DST: variants seen among roughly 807,000 people sequenced by gnomAD.
DST encodes dystonin.
A neutral mutation model predicts 875.2 loss-of-function variants in DST; 253 were observed. The ratio of observed to expected loss-of-function variants is 0.29; its 90% CI spans 0.26 to 0.32. The LOEUF is 0.32. Ranked by LOEUF, DST falls within the 10% of genes least tolerant of loss-of-function variation. The probability of loss-of-function intolerance (pLI) is 1.00; values close to 1 mark genes in which losing one functional copy is unlikely to be tolerated. For synonymous variants in DST, 3,124 were observed against 3,197.1 expected (o/e 0.98, Z 0.77); for missense variants, 8,287 against 9,111.6 (o/e 0.91, Z 3.68).
chr6:56,891,681 C>G (rs1787588058), intron 3 of DST, among the ~76,000 whole-genome samples: 1 of 151,798 alleles, frequency 6.6e-6, no homozygotes, highest in Non-Finnish European at 1.5e-5. Flanking sequence ...CTGCAGTGAG[C>G]CGTGATTGCG....
chr6:56,511,359 A>T lies in DST; in HGVS notation c.18618T>A (p.Asp6206Glu). The T allele has an allele frequency of 6.2e-7, 1 of 1,608,070 alleles. No individual in the cohort carries two copies. The highest frequency in any genetic ancestry group is 2.2e-5 in the East Asian group (1 of 44,744). ...ACTGTGGCCCAGTTTTGTTCATCTTATCTATATGAGGCTTGTGTTCAGCTA... is the reference window on the plus strand; with the variant it reads ...ACTGTGGCCCAGTTTTGTTCATCTTTTCTATATGAGGCTTGTGTTCAGCTA... ...ELIAEHKPHI[D>E]KMNKTGPQLL... Residue 6206 changes from aspartate to glutamate, a missense_variant, in exon 73 of 104, where the codon GAT becomes GAA. This residue lies in a region of DST where 1,292 missense variants were observed against 1,552.7 expected (regional missense o/e 0.83). Transcript: ENST00000680361.
chr6:56,570,836 A>G (rs1377671822), intron 53 of DST, among the ~76,000 whole-genome samples: 3 of 152,244 alleles, frequency 2.0e-5, no homozygotes, highest in Non-Finnish European at 2.9e-5. Context: ...TTTACATTCA[A>G]TGAGCTTTGA....
chr6:56,597,892 T>A lies in DST; in HGVS notation c.12043A>T (p.Ile4015Phe), dbSNP rs201249286. Residue 4015 changes from isoleucine to phenylalanine, a missense_variant, in exon 47 of 104, where the codon ATC becomes TTC. Transcript: ENST00000680361. ...ERAGTKHKQV[I>F]EQNGTHFQEG... ...TGAAAATGGGTCCCGTTCTGTTCGA[T>A]TACCTGTTTGTGTTTTGTCCCTGCC... The A allele has an allele frequency of 9.2e-4, 1,486 of 1,613,828 alleles. 3 individuals carry two copies. The highest frequency in any genetic ancestry group is 2.0e-3 in the Middle Eastern group (12 of 6,062).
Position 56,593,840 on chromosome 6 carries a change from G to A in DST, c.12549C>T (p.Asp4183=), listed in dbSNP as rs375624981. ...TCAAGTCACCTTTGTGAGAAATAAC[G>A]TCTTCTGAGAAACTCTTCTGCCTCT... ...KLKRQKSFSE[D]VISHKGDLRY... is the part of the protein sequence containing the mutation. The change falls in exon 48 of 104, where the codon GAC becomes GAT. Residue 4183 remains aspartate (D), a synonymous_variant. Coordinates refer to ENST00000680361, the MANE Select transcript of DST (RefSeq NM_001374736.1). The A allele has an allele frequency of 1.3e-4, 216 of 1,613,724 alleles. No individual in the cohort carries two copies. Among genetic ancestry groups the A allele is most frequent in the Non-Finnish European group, 1.8e-4 (211 of 1,179,852 alleles).
intron 4 of DST, among the ~76,000 whole-genome samples, chr6:56,820,510 T>C (rs371777103): frequency 3.7e-4 from 57 of 152,330 alleles, no homozygotes; most frequent in Middle Eastern, 3.4e-3. Context: ...CATTTGCTAT[T>C]ATCTTTACAC....
rs747222649 is a variant in DST at position 56,606,681 on chromosome 6, A to C, written c.7947T>G (p.Asp2649Glu). 2.5e-6 allele frequency: 4 copies of C among 1,613,666 alleles called. No individual in the cohort carries two copies. In the East Asian group the frequency reaches 8.9e-5, roughly 36 times the overall value. Residue 2649 changes from aspartate to glutamate, a missense_variant, in exon 40 of 104, where the codon GAT (aspartate) becomes GAG (glutamate). By Grantham distance (45) the Asp-to-Glu change is conservative (BLOSUM62 2). Around this residue, in one of 10 missense-constraint regions of DST, gnomAD observed 3,138 missense variants for 3,116.6 expected, o/e 1.01. Coordinates refer to ENST00000680361, the MANE Select transcript of DST (RefSeq NM_001374736.1). ...AAACATCAGCAGGAGAAGCCGTCTC[A>C]TCATTTTCCTCTTGCAGTGTGTCGT... Reference protein sequence around the residue: ...EDYDTLQEENDETASPADVFY... With the variant: ...EDYDTLQEENEETASPADVFY...
chr6:56,676,639 G>GT (rs1489890587), intron 9 of DST, among the ~76,000 whole-genome samples: 1 of 150,574 alleles, frequency 6.6e-6, no homozygotes, highest in Non-Finnish European at 1.5e-5. Flanking sequence ...TCCATCAACT[G>GT]AAGAATGAAT....
rs2152559882 is a variant in DST at position 56,555,671 on chromosome 6, T to C, written c.14810A>G (p.Asp4937Gly). 1 of 1,613,980 alleles carries C rather than the reference T, an allele frequency of 6.2e-7. No homozygotes were observed. Among genetic ancestry groups the C allele is most frequent in the East Asian group, 2.2e-5 (1 of 44,878 alleles). The change falls in exon 60 of 104, where the codon GAC becomes GGC. Residue 4937 changes from aspartate to glycine, a missense_variant. Transcript: ENST00000680361. ...GGCTTGGTCAATCCAGTCACATCTG[T>C]CACTCAATTGCCCTGTTAGGCTATC... Reference protein sequence around the residue: ...KWDSLTGQLSDRCDWIDQAIV... With the variant: ...KWDSLTGQLSGRCDWIDQAIV...
In DST at chr6:56,605,987, C is replaced by T. The variant is rs773903757; in HGVS notation, c.8641G>A (p.Ala2881Thr). 64 of 1,612,538 alleles carry T rather than the reference C, an allele frequency of 4.0e-5. No individual in the cohort carries two copies. The highest frequency in any genetic ancestry group is 5.3e-5 in the Non-Finnish European group (62 of 1,179,182). ...KQQRVNVVQL[A>T]SPSENNLVTE... ...ACTAAGTTATTTTCACTAGGTGATG[C>T]TAGCTGTACAACATTTACCCTTTGC... Residue 2881 changes from alanine (A) to threonine (T), a missense_variant, in exon 40 of 104, where the codon GCA (alanine) becomes ACA (threonine). Transcript: ENST00000680361.
chr6:56,595,585 A>G (rs2098361159), intron 47 of DST, among the ~76,000 whole-genome samples: 1 of 152,162 alleles, frequency 6.6e-6, no homozygotes. Context: ...GGACTTCCTT[A>G]GAAGCACTGC....
chr6:56,896,325 C>A (rs1051545594), intron 3 of DST, among the ~76,000 whole-genome samples: 1 of 152,072 alleles, frequency 6.6e-6, no homozygotes, highest in Non-Finnish European at 1.5e-5. Flanking sequence ...CCATGCTATT[C>A]TCATGATAGT....
Position 56,639,610 on chromosome 6 carries a change from T to A in DST, c.2699A>T (p.Asn900Ile). ...GTGCCGTTCTTGATTCCTGGATGTA[T>A]TCTTTAGTAAGGAAAATCATCATAA... ...RLESQYAKLL[N>I]TSRNQERHLD... The change falls in exon 21 of 104, where the codon AAT (asparagine) becomes ATT (isoleucine). Residue 900 changes from asparagine to isoleucine, a missense_variant and splice_region_variant. This residue lies in a region of DST where 1,160 missense variants were observed against 1,424.3 expected (regional missense o/e 0.81). Coordinates refer to ENST00000680361, the MANE Select transcript of DST (RefSeq NM_001374736.1). 6.2e-7 allele frequency: 1 copy of A among 1,613,862 alleles called. No individual in the cohort carries two copies. The highest frequency in any genetic ancestry group is 8.5e-7 in the Non-Finnish European group (1 of 1,179,878).
Position 56,625,252 on chromosome 6 carries a change from G to A in DST, c.4735C>T (p.Gln1579Ter). 1 of 1,609,614 alleles carries A rather than the reference G, an allele frequency of 6.2e-7. No homozygotes were observed. The highest frequency in any genetic ancestry group is 8.5e-7 in the Non-Finnish European group (1 of 1,176,188). ...ACCATGGCCCGGTAGGTCATTGTTTGTAATTCATAGTCCTGTATAAAGGAG... is the reference window on the plus strand; with the variant it reads ...ACCATGGCCCGGTAGGTCATTGTTTATAATTCATAGTCCTGTATAAAGGAG... The part of the protein sequence containing the change: ...YSATVKDYEL[Q>*]TMTYRAMVDS... The change falls in exon 35 of 104, where the codon CAA becomes TAA. Residue 1579 changes from glutamine to a stop codon, truncating the protein, a stop_gained. Coordinates refer to ENST00000680361, the MANE Select transcript of DST (RefSeq NM_001374736.1). LOFTEE classifies it high-confidence loss of function.
intron 98 of DST, among the ~76,000 whole-genome samples, chr6:56,467,936 A>G (rs532310386): frequency 3.3e-5 from 5 of 152,298 alleles, no homozygotes; most frequent in African/African-American, 1.2e-4. Context: ...CGAAAATAGC[A>G]AGAATGGAAA....
chr6:56,843,293 A>C (rs1277471462), intron 4 of DST: 16 of 1,242,008 alleles, frequency 1.3e-5, no homozygotes, highest in Non-Finnish European at 1.6e-5. Flanking sequence ...CCGAAGACGC[A>C]GAGCGGGGGC....
At chr6:56,937,014 C>A (rs1813341825) in intron 2 of DST, among the ~76,000 whole-genome samples, 1 of 150,976 alleles carries the variant, frequency 6.6e-6, no homozygotes, top group Admixed American at 6.6e-5. Flanking sequence ...CAGCAATTTA[C>A]AAACTCAAAA....
At chr6:56,833,169 AAACATTTAGG>A (rs1168069856) in intron 4 of DST, among the ~76,000 whole-genome samples, 1 of 152,252 alleles carries the variant, frequency 6.6e-6, no homozygotes, top group Non-Finnish European at 1.5e-5. Context: ...CCAGAATTCT[AAACATTTAGG>A]AACTACGACT....
chr6:56,493,054 C>A lies in DST; in HGVS notation c.20430G>T (p.Glu6810Asp). The A allele has an allele frequency of 6.2e-7, 1 of 1,612,400 alleles. No individual in the cohort carries two copies. ...TGAAGTCTTGGAGAGAATTGTGGAA[C>A]TCCATTGCCAAGTTGAGAGCCTCTT... The part of the protein sequence containing the change: ...KLEEALNLAM[E>D]FHNSLQDFIN... Residue 6810 changes from glutamate to aspartate, a missense_variant, in exon 84 of 104, where the codon GAG (glutamate) becomes GAT (aspartate). Transcript: ENST00000680361.
intron 72 of DST, among the ~76,000 whole-genome samples, chr6:56,513,305 A>G (rs1192926866): frequency 1.3e-5 from 2 of 150,470 alleles, no homozygotes; most frequent in African/African-American, 4.9e-5. Flanking sequence ...ATCTTGGCTC[A>G]CCACAACCTC....
Sources: gnomAD v4.1 joint callset for allele counts (sites outside exome capture counted in the v4.1 genomes callset) on GRCh38, gnomAD v4.1.1 for gene constraint, gnomAD v4.1.1 regional missense constraint, MANE v1.5 for transcripts, NCBI Gene and HGNC (gene_info 2026-07-23, HGNC 2026-07-21) for gene names.